The following ADAMTS10 variants were observed in gnomAD, a reference collection of about 807,000 sequenced individuals.
The protein encoded by ADAMTS10 is ADAM metallopeptidase with thrombospondin type 1 motif 10, also known as A disintegrin and metalloproteinase with thrombospondin motifs 10.
In ADAMTS10, 48 loss-of-function variants were observed where a neutral mutation model predicts 135.9. The observed-to-expected ratio is 0.35, with a 90% CI of 0.28 to 0.45. ADAMTS10 has a LOEUF of 0.45. Ranked by LOEUF, ADAMTS10 falls within the 20% of genes least tolerant of loss-of-function variation. The probability of loss-of-function intolerance (pLI) is 1.00; values close to 1 mark genes in which losing one functional copy is unlikely to be tolerated. For synonymous variants in ADAMTS10, 621 were observed against 647.5 expected (o/e 0.96, Z 0.62); for missense variants, 1,131 against 1,565.2 (o/e 0.72, Z 4.68).
chr19:8,600,714 G>A (rs999192672), intron 6 of ADAMTS10, among the ~76,000 whole-genome samples: 7 of 151,878 alleles, frequency 4.6e-5, no homozygotes, highest in African/African-American at 7.3e-5. Context: ...TAGCCAGGAT[G>A]GTCTCCATCT....
Position 8,591,971 on chromosome 19 carries a change from A to T in ADAMTS10, c.1720T>A (p.Cys574Ser). The change falls in exon 14 of 26, where the codon TGC becomes AGC. Residue 574 changes from cysteine to serine, a missense_variant. Coordinates refer to ENST00000597188, the MANE Select transcript of ADAMTS10 (RefSeq NM_030957.4). ...CTGAGGGCTGACCTGGGGCTGTCGC[A>T]GTGACGGCTAGAAGAGGACACGCCG... ...GGGVSSSSRH[C>S]DSPRPTIGGK... 6.2e-7 allele frequency: 1 copy of T among 1,613,434 alleles called. No individual in the cohort carries two copies. Among genetic ancestry groups the T allele is most frequent in the Non-Finnish European group, 8.5e-7 (1 of 1,179,786 alleles).
rs968268482 is a variant in ADAMTS10, at chr19:8,605,390, C to T, written c.89-32G>A. The T allele has an allele frequency of 5.8e-6, 9 of 1,559,076 alleles. No homozygotes were observed. The highest frequency in any genetic ancestry group is 7.8e-6 in the Non-Finnish European group (9 of 1,149,700). The stretch of plus-strand genomic sequence containing the variant: ...GTGAGGGTCAGAGGCCTGGGGTGGG[C>T]CCTGGTCTTATTGGACCCCTGTGTC... On this transcript the variant is annotated intron_variant, in intron 3 of 25. Coordinates refer to ENST00000597188, the MANE Select transcript of ADAMTS10 (RefSeq NM_030957.4). The surrounding 1 kb of genome is among the most constrained non-coding windows in gnomAD (Gnocchi z 7.7).
chr19:8,586,748 T>G (rs376959720), intron 19 of ADAMTS10, 27 bp from the exon 20 acceptor site: 47 of 1,613,880 alleles, frequency 2.9e-5, no homozygotes, highest in Non-Finnish European at 3.8e-5. Flanking sequence ...GGTTCAGAAT[T>G]CTAGTCATGC....
Position 8,605,397 on chromosome 19 carries a change from C to G in ADAMTS10, c.89-39G>C. 6.5e-7 allele frequency: 1 copy of G among 1,545,510 alleles called. No individual in the cohort carries two copies. The highest frequency in any genetic ancestry group is 8.8e-7 in the Non-Finnish European group (1 of 1,139,334). ...TCAGAGGCCTGGGGTGGGCCCTGGT[C>G]TTATTGGACCCCTGTGTCCTGGCTG... On this transcript the variant is annotated intron_variant, in intron 3 of 25. Transcript: ENST00000597188. The surrounding 1 kb of genome is among the most constrained non-coding windows in gnomAD (Gnocchi z 7.7).
chr19:8,602,354 T>C (rs1403593513), intron 5 of ADAMTS10, among the ~76,000 whole-genome samples: 4 of 152,326 alleles, frequency 2.6e-5, no homozygotes, highest in Middle Eastern at 3.4e-3. Flanking sequence ...AGCCTCACTC[T>C]GTCGCCCAGG....
intron 6 of ADAMTS10, among the ~76,000 whole-genome samples, chr19:8,600,378 T>C (rs372060585): frequency 1.3e-5 from 2 of 152,282 alleles, no homozygotes. Context: ...TCACTGTGCT[T>C]ATGCTCTTTC....
Position 8,589,870 on chromosome 19 carries a change from T to C in ADAMTS10, c.1900+19A>G, listed in dbSNP as rs782574168. 70 of 1,607,574 alleles carry C rather than the reference T, an allele frequency of 4.4e-5. No individual in the cohort carries two copies. Among genetic ancestry groups the C allele is most frequent in the Non-Finnish European group, 5.1e-5 (60 of 1,174,428 alleles). ...GGCTGCCCTTCACGGCCCCACAGCCTTTGGAGTCCCACACTCACCTCCCCG... is the reference window on the plus strand; with the variant it reads ...GGCTGCCCTTCACGGCCCCACAGCCCTTGGAGTCCCACACTCACCTCCCCG... On this transcript the variant is annotated intron_variant, in intron 16 of 25. Coordinates refer to ENST00000597188, the MANE Select transcript of ADAMTS10 (RefSeq NM_030957.4).
chr19:8,605,884 C>G lies in ADAMTS10; in HGVS notation c.-99-75G>C. ...CAACCAATGCCAAGGCCAATCATGGCCAAAGCTTTTCACCTGACTCTGAAG... is the reference window on the plus strand; with the variant it reads ...CAACCAATGCCAAGGCCAATCATGGGCAAAGCTTTTCACCTGACTCTGAAG... On this transcript the variant is annotated intron_variant, in intron 2 of 25. Coordinates refer to ENST00000597188, the MANE Select transcript of ADAMTS10 (RefSeq NM_030957.4). The surrounding 1 kb of genome is among the most constrained non-coding windows in gnomAD (Gnocchi z 7.7). The G allele has an allele frequency of 7.4e-7, 1 of 1,353,856 alleles. No homozygotes were observed. The highest frequency in any genetic ancestry group is 9.8e-7 in the Non-Finnish European group (1 of 1,024,154). The allele number at this position is 1,353,856 out of a possible 1,614,324, so 83.9% of individuals were successfully genotyped here. A position where few individuals can be genotyped will look rare whatever the true frequency, so the allele number is the denominator to read the frequency against.
intron 5 of ADAMTS10, among the ~76,000 whole-genome samples, chr19:8,602,721 GCTCAAGTGATCCTCCTGCCTCAGCCT>G (rs1192841945): frequency 6.6e-6 from 1 of 152,050 alleles, no homozygotes; most frequent in Non-Finnish European, 1.5e-5. Context: ...AATCTCCCTG[GCTCAAGTGATCCTCCTGCCTCAGCCT>G]CTCAAGTAGC....
chr19:8,597,064 G>A lies in ADAMTS10; in HGVS notation c.963C>T (p.Ile321=), dbSNP rs1053681963. 24 of 1,614,092 alleles carry A rather than the reference G, an allele frequency of 1.5e-5. No individual in the cohort carries two copies. The highest frequency in any genetic ancestry group is 2.2e-5 in the East Asian group (1 of 44,880). ...CATTGCCATGGCCGCTGTGGTTCAC[G>A]ATGGATTTCTGCCACTTACAGAAGC... ...LDSFCKWQKS[I]VNHSGHGNAI... Residue 321 remains isoleucine (I), a synonymous_variant, in exon 8 of 26, where the codon ATC becomes ATT. Transcript: ENST00000597188.
At chr19:8,607,757 T>C (rs10418788) in intron 2 of ADAMTS10, among the ~76,000 whole-genome samples, 131,329 of 151,008 alleles carry the variant, frequency 0.87, 59,056 homozygotes, top group Non-Finnish European at 0.98. Flanking sequence ...CTGTGACCCC[T>C]GTTGCACTCT....
rs1366073078 is a variant in ADAMTS10 at position 8,580,489 on chromosome 19, G to T, written c.*404C>A. 1 of 187,476 alleles carries T rather than the reference G, an allele frequency of 5.3e-6. No individual in the cohort carries two copies. Among genetic ancestry groups the T allele is most frequent in the Non-Finnish European group, 1.1e-5 (1 of 88,066 alleles). 11.6% of individuals were successfully genotyped at this position (187,476 alleles called of 1,614,324 possible). ...ATTCCCCCCCAGCTCGGAGTGGAGGGGTAGGGCAGTGCTGGGGGGCAGGGC... is the reference window on the plus strand; with the variant it reads ...ATTCCCCCCCAGCTCGGAGTGGAGGTGTAGGGCAGTGCTGGGGGGCAGGGC... On this transcript the variant is annotated 3_prime_UTR_variant, in exon 26 of 26. Coordinates refer to ENST00000597188, the MANE Select transcript of ADAMTS10 (RefSeq NM_030957.4).
At chr19:8,588,194 G>A (rs529101407) in intron 18 of ADAMTS10, among the ~76,000 whole-genome samples, 236 of 152,244 alleles carry the variant, frequency 1.6e-3, no homozygotes, top group African/African-American at 5.5e-3. Context: ...GTTGCAGTGA[G>A]CCGAGATCAA....
intron 18 of ADAMTS10, 33 bp downstream of exon 18, chr19:8,589,209 A>G (rs782562736): frequency 6.2e-7 from 1 of 1,611,530 alleles, no homozygotes; most frequent in Admixed American, 1.7e-5. Context: ...TGGCCCATGC[A>G]GGGAGTGTGG....
At chr19:8,582,549 G>C (rs1438643019) in intron 25 of ADAMTS10, 1 of 152,218 alleles carries the variant, frequency 6.6e-6, no homozygotes, top group Non-Finnish European at 1.5e-5. Context: ...GTATTTTTCA[G>C]AACATTGACT....
chr19:8,605,584 T>C lies in ADAMTS10; in HGVS notation c.88+39A>G, dbSNP rs782258814. 2 of 1,602,430 alleles carry C rather than the reference T, an allele frequency of 1.2e-6. No homozygotes were observed. The highest frequency in any genetic ancestry group is 1.7e-5 in the Admixed American group (1 of 58,392). Reference sequence around the variant, plus strand: ...GGAGCCCAACTGGTCTCTTACATTTTTCGCTCCCTCCCCACCGCCACCACC... The same window carrying C: ...GGAGCCCAACTGGTCTCTTACATTTCTCGCTCCCTCCCCACCGCCACCACC... On this transcript the variant is annotated intron_variant, in intron 3 of 25. Coordinates refer to ENST00000597188, the MANE Select transcript of ADAMTS10 (RefSeq NM_030957.4). The surrounding 1 kb of genome is among the most constrained non-coding windows in gnomAD (Gnocchi z 7.7).
intron 14 of ADAMTS10, 30 bp downstream of exon 14, chr19:8,591,927 GC>G (rs1555739037): frequency 6.2e-7 from 1 of 1,611,238 alleles, no homozygotes; most frequent in African/African-American, 1.3e-5. Context: ...GGGTCGCGCT[GC>G]CCTCCCGGGT....
chr19:8,592,644 G>A (rs1227771677), intron 13 of ADAMTS10, 119 bp downstream of exon 13: 1 of 1,038,484 alleles, frequency 9.6e-7, no homozygotes, highest in Non-Finnish European at 1.4e-6. Context: ...CACAAATGGC[G>A]GGCGTGGCCA....
Position 8,595,890 on chromosome 19 carries a change from G to T in ADAMTS10, c.1351C>A (p.Leu451Ile). The T allele has an allele frequency of 6.2e-7, 1 of 1,614,210 alleles. No individual in the cohort carries two copies. The highest frequency in any genetic ancestry group is 8.5e-7 in the Non-Finnish European group (1 of 1,180,028). ...CTGGGGGGCCGGTTGTTCAGGCAGA[G>T]CCCCAGGCCCGAGCTGCCTCGAGAG... ...ITSFLDSGLG[L>I]CLNNRPPRQD... is the part of the protein sequence containing the mutation. The change falls in exon 12 of 26, where the codon CTC becomes ATC. Residue 451 changes from leucine (L) to isoleucine (I), a missense_variant. Transcript: ENST00000597188.
Sources: allele counts gnomAD v4.1 joint callset (sites outside exome capture counted in the v4.1 genomes callset), GRCh38; gene constraint gnomAD v4.1.1; non-coding constraint Gnocchi (gnomAD v3.1); transcripts MANE v1.5; gene names NCBI Gene and HGNC (gene_info 2026-07-23, HGNC 2026-07-21).